WWP2: variants seen among roughly 807,000 people sequenced by gnomAD.
WWP2 encodes NEDD4-like E3 ubiquitin-protein ligase WWP2.
A neutral mutation model predicts 121.0 loss-of-function variants in WWP2; 57 were observed. That is an observed-to-expected ratio of 0.47 (90% CI 0.38 to 0.59). The LOEUF (loss-of-function observed/expected upper bound fraction) is 0.59. Among genes scored for constraint, WWP2 ranks in the 20% least tolerant of loss-of-function variants. The pLI is 0.00. For missense variants in WWP2, 962 were observed against 1,158.9 expected, an observed-to-expected ratio of 0.83 and a Z score of 2.47; for synonymous variants, 449 against 441.3, an observed-to-expected ratio of 1.02 and a Z score of -0.22.
intron 1 of WWP2, among the ~76,000 whole-genome samples, chr16:69,766,519 C>T (rs1166104653): frequency 2.0e-5 from 3 of 152,136 alleles, no homozygotes; most frequent in Admixed American, 6.6e-5. Context: ...CTGATCTCTC[C>T]TCCCACACCC....
At chr16:69,900,015 A>G (rs2058177718) in intron 8 of WWP2, among the ~76,000 whole-genome samples, 1 of 152,198 alleles carries the variant, frequency 6.6e-6, no homozygotes, top group South Asian at 2.1e-4. Flanking sequence ...TAGGAATAAC[A>G]TGATTTATTT....
chr16:69,916,127 G>A (rs545627189), intron 9 of WWP2, among the ~76,000 whole-genome samples: 3 of 152,178 alleles, frequency 2.0e-5, no homozygotes, highest in East Asian at 3.9e-4. Flanking sequence ...CCAGATTTTT[G>A]TGAGCCTTGT....
chr16:69,827,854 T>G (rs1172536387), intron 4 of WWP2: 1 of 454,766 alleles, frequency 2.2e-6, no homozygotes. Context: ...TAATTTATTC[T>G]AAAGACTTAA....
At chr16:69,862,317 G>A (rs886525058) in intron 6 of WWP2, among the ~76,000 whole-genome samples, 31 of 152,066 alleles carry the variant, frequency 2.0e-4, no homozygotes, top group African/African-American at 7.5e-4. Context: ...CACTCACCTC[G>A]GCCTCCCAAA....
Position 69,884,621 on chromosome 16 carries a change from C to T in WWP2, c.704-3418C>T, listed in dbSNP as rs192156593. ...CCAGCCTGGGTGACAGAGCAAGACCCTATCTTAAAAACAAAAAACAAAAAA... is the reference window on the plus strand; with the variant it reads ...CCAGCCTGGGTGACAGAGCAAGACCTTATCTTAAAAACAAAAAACAAAAAA... On this transcript the variant is annotated intron_variant, in intron 7 of 23. Coordinates refer to ENST00000359154, the MANE Select transcript of WWP2 (RefSeq NM_001270454.2). 2.2e-3 allele frequency among the ~76,000 whole-genome samples: 335 copies of T among 152,220 alleles called. 2 individuals are homozygous for T. The highest frequency in any genetic ancestry group is 5.6e-3 in the South Asian group (27 of 4,822).
At chr16:69,861,143 G>C (rs1442425397) in intron 6 of WWP2, among the ~76,000 whole-genome samples, 1 of 152,218 alleles carries the variant, frequency 6.6e-6, no homozygotes, top group Admixed American at 6.5e-5. Context: ...ATAATTCAGG[G>C]TCAGGGGATC....
intron 11 of WWP2, 54 bp from the exon 12 acceptor site, chr16:69,929,394 A>G (rs190914609): frequency 4.9e-4 from 758 of 1,557,804 alleles, no homozygotes; most frequent in Admixed American, 6.4e-4. Context: ...CAGGGAAAGG[A>G]CACCGGCTCT....
chr16:69,887,950 A>C, intron 7 of WWP2, 89 bp from the exon 8 acceptor site: 1 of 1,481,034 alleles, frequency 6.8e-7, no homozygotes, highest in Non-Finnish European at 9.3e-7. Flanking sequence ...TGTAGATACC[A>C]TGTTAGCCTA....
In WWP2 at chr16:69,941,055, G is replaced by A. The variant is rs1205039602; in HGVS notation, c.*1115G>A. ...TCAGAATGGAGTGCAGCCCGCCAGCGGAAAGTGTTCATTCTGCATAGGTGT... is the reference window on the plus strand; with the variant it reads ...TCAGAATGGAGTGCAGCCCGCCAGCAGAAAGTGTTCATTCTGCATAGGTGT... On this transcript the variant is annotated 3_prime_UTR_variant, in exon 24 of 24. Coordinates refer to ENST00000359154, the MANE Select transcript of WWP2 (RefSeq NM_001270454.2). 2.6e-5 allele frequency: 4 copies of A among 152,702 alleles called. No homozygotes were observed. The highest frequency in any genetic ancestry group is 4.4e-5 in the Non-Finnish European group (3 of 68,088). 9.5% of individuals were successfully genotyped at this position (152,702 alleles called of 1,614,324 possible).
At chr16:69,822,633 A>C (rs940587853) in intron 4 of WWP2, among the ~76,000 whole-genome samples, 1 of 152,026 alleles carries the variant, frequency 6.6e-6, no homozygotes, top group Non-Finnish European at 1.5e-5. Context: ...AAAGAGAAAA[A>C]GGAATCGTCT....
intron 11 of WWP2, 87 bp from the exon 12 acceptor site, chr16:69,929,361 C>T: frequency 7.9e-7 from 1 of 1,265,138 alleles, no homozygotes; most frequent in Non-Finnish European, 1.1e-6. Context: ...AACTCAGACC[C>T]AGCACCCAGG....
chr16:69,794,752 C>G (rs1480693876), intron 2 of WWP2, among the ~76,000 whole-genome samples: 5 of 151,940 alleles, frequency 3.3e-5, no homozygotes, highest in Non-Finnish European at 5.9e-5. Context: ...GTTGCCTTGG[C>G]AAAGCTGCTG....
At chr16:69,788,844 T>C (rs947661768) in intron 2 of WWP2, among the ~76,000 whole-genome samples, 3 of 152,090 alleles carry the variant, frequency 2.0e-5, no homozygotes, top group African/African-American at 7.2e-5. Flanking sequence ...CCTCAGTAAA[T>C]AGTGCCTGAA....
intron 22 of WWP2, 60 bp downstream of exon 22, chr16:69,939,183 G>T: frequency 6.4e-7 from 1 of 1,563,310 alleles, no homozygotes; most frequent in South Asian, 1.1e-5. Context: ...CAGAGGGAGG[G>T]GGAAACCTAG....
chr16:69,938,906 C>A, intron 21 of WWP2, 121 bp from the exon 22 acceptor site: 1 of 832,532 alleles, frequency 1.2e-6, no homozygotes, highest in Non-Finnish European at 1.9e-6. Flanking sequence ...ATCCCCTGGC[C>A]AACCTGGCTT....
rs2151814321 is a variant in WWP2, at chr16:69,799,732, G to A, written c.340+437G>A. 6.6e-6 allele frequency among the ~76,000 whole-genome samples: 1 copy of A among 152,216 alleles called. No homozygotes were observed. Among genetic ancestry groups the A allele is most frequent in the East Asian group, 1.9e-4 (1 of 5,198 alleles). On this transcript the variant is annotated intron_variant, in intron 4 of 23. Coordinates refer to ENST00000359154, the MANE Select transcript of WWP2 (RefSeq NM_001270454.2). The surrounding 1 kb of genome is among the most constrained non-coding windows in gnomAD (Gnocchi z 4.5). Reference sequence around the variant, plus strand: ...CATGCCTGTGTGCATGTGTGCACGTGTGTGTCTGGGATAGTATTACAAATA... The same window carrying A: ...CATGCCTGTGTGCATGTGTGCACGTATGTGTCTGGGATAGTATTACAAATA...
intron 1 of WWP2, among the ~76,000 whole-genome samples, chr16:69,777,304 A>C (rs911014622): frequency 6.6e-6 from 1 of 151,300 alleles, no homozygotes; most frequent in Non-Finnish European, 1.5e-5. Context: ...ATACTTTTAT[A>C]TTTTCTTTTT....
chr16:69,794,261 A>C (rs1051875243), intron 2 of WWP2, among the ~76,000 whole-genome samples: 1 of 151,868 alleles, frequency 6.6e-6, no homozygotes, highest in South Asian at 2.1e-4. Context: ...GTGGTGGCTC[A>C]TGCCTGTAAT....
intron 4 of WWP2, among the ~76,000 whole-genome samples, chr16:69,837,737 C>T (rs2056902016): frequency 6.6e-6 from 1 of 152,138 alleles, no homozygotes; most frequent in African/African-American, 2.4e-5. Flanking sequence ...AATGCTCATC[C>T]CTCAGCACGC....
Sources: allele counts gnomAD v4.1 joint callset (sites outside exome capture counted in the v4.1 genomes callset), GRCh38; gene constraint gnomAD v4.1.1; non-coding constraint Gnocchi (gnomAD v3.1); transcripts MANE v1.5; gene names NCBI Gene and HGNC (gene_info 2026-07-23, HGNC 2026-07-21).